NECTIN1: variants seen among roughly 807,000 people sequenced by gnomAD.
The protein encoded by NECTIN1 is nectin cell adhesion molecule 1.
NECTIN1 carries 23 observed loss-of-function variants against 48.0 expected under a neutral mutation model. The observed-to-expected ratio is 0.48, with a 90% CI of 0.34 to 0.68. The LOEUF (loss-of-function observed/expected upper bound fraction) is 0.68. Among genes scored for constraint, NECTIN1 ranks in the 30% least tolerant of loss-of-function variants. NECTIN1 has a pLI of 0.01. For synonymous variants in NECTIN1, 270 were observed against 288.9 expected (o/e 0.93, Z 0.66); for missense variants, 591 against 709.9 (o/e 0.83, Z 1.90).
intron 1 of NECTIN1, among the ~76,000 whole-genome samples, chr11:119,705,989 C>T (rs1002953395): frequency 3.9e-5 from 6 of 152,186 alleles, no homozygotes; most frequent in African/African-American, 1.4e-4. Context: ...GAAGAAGAAG[C>T]CCTGCACAAA....
chr11:119,643,736 G>A (rs1269218807), intron 5 of NECTIN1, among the ~76,000 whole-genome samples: 17 of 152,312 alleles, frequency 1.1e-4, no homozygotes, highest in Admixed American at 1.0e-3. Flanking sequence ...TGGTTCCCCC[G>A]CTCCCAGCTC....
rs79484789 is a variant in NECTIN1, at chr11:119,665,523, G to A, written c.1004-226C>T. Among the ~76,000 whole-genome samples the A allele has an allele frequency of 0.017, 2,519 of 152,220 alleles. 67 individuals are homozygous for A. Among genetic ancestry groups the A allele is most frequent in the East Asian group, 0.1 (513 of 5,154 alleles). ...AGAGACAGGCAAGAGGAGAGGCAGA[G>A]GGCAGTACCCACAGCACCAGGGTCT... On this transcript the variant is annotated intron_variant, in intron 5 of 5. Coordinates refer to ENST00000264025, the MANE Select transcript of NECTIN1 (RefSeq NM_002855.5). The surrounding 1 kb of genome is among the most constrained non-coding windows in gnomAD (Gnocchi z 5.1).
At chr11:119,706,871 G>A (rs1366086585) in intron 1 of NECTIN1, among the ~76,000 whole-genome samples, 1 of 152,328 alleles carries the variant, frequency 6.6e-6, no homozygotes, top group Admixed American at 6.5e-5. Context: ...TTTGTCCTCA[G>A]TGGGTCAGTA....
At chr11:119,638,858 C>T (rs777965279) in intron 6 of NECTIN1, 1 of 1,474,302 alleles carries the variant, frequency 6.8e-7, no homozygotes, top group East Asian at 2.3e-5. Flanking sequence ...TGGGGGCTCT[C>T]CCCATCAGGC....
chr11:119,711,801 G>A (rs910417729), intron 1 of NECTIN1, among the ~76,000 whole-genome samples: 3 of 152,236 alleles, frequency 2.0e-5, no homozygotes, highest in African/African-American at 7.2e-5. Flanking sequence ...TTTGGAAAAA[G>A]AGGCTGGTTG....
chr11:119,675,095 G>A, intron 5 of NECTIN1, 64 bp downstream of exon 5: 1 of 1,575,384 alleles, frequency 6.3e-7, no homozygotes, highest in South Asian at 1.1e-5. Flanking sequence ...GCTCAAAGGT[G>A]AGGGATGCAG....
intron 1 of NECTIN1, among the ~76,000 whole-genome samples, chr11:119,726,715 C>T (rs1192766660): frequency 1.3e-5 from 2 of 152,146 alleles, no homozygotes; most frequent in Non-Finnish European, 2.9e-5. Context: ...GAGTTCCTTC[C>T]CCTTCTCCCA....
chr11:119,680,361 C>T (rs773130031), intron 1 of NECTIN1, among the ~76,000 whole-genome samples: 9 of 152,176 alleles, frequency 5.9e-5, no homozygotes, highest in African/African-American at 1.7e-4. Flanking sequence ...CTTTATTGAG[C>T]GTCATCAATA....
At chr11:119,699,970 C>T (rs1304679856) in intron 1 of NECTIN1, among the ~76,000 whole-genome samples, 2 of 152,222 alleles carry the variant, frequency 1.3e-5, no homozygotes, top group Non-Finnish European at 2.9e-5. Context: ...GGAACCACCA[C>T]CACCCCAGCC....
rs1179763285 is a variant in NECTIN1, at chr11:119,687,818, G to A, written c.80-9053C>T. On this transcript the variant is annotated intron_variant, in intron 1 of 5. Transcript: ENST00000264025. ...ATCTGCCTCATCCCAGGAGGGGCCTGTGGGGCCACCCCAGCGCCCAACCCT... is the reference window on the plus strand; with the variant it reads ...ATCTGCCTCATCCCAGGAGGGGCCTATGGGGCCACCCCAGCGCCCAACCCT... 4.6e-5 allele frequency among the ~76,000 whole-genome samples: 7 copies of A among 152,232 alleles called. No homozygotes were observed. The East Asian group carries it at 1.3e-3, about 29-fold the overall frequency.
At position 119,677,512 on chromosome 11, in the gene NECTIN1, T is replaced by C; in HGVS notation, c.733+43A>G. 4 of 1,602,264 alleles carry C rather than the reference T, an allele frequency of 2.5e-6. No homozygotes were observed. The highest frequency in any genetic ancestry group is 3.4e-6 in the Non-Finnish European group (4 of 1,171,272). On this transcript the variant is annotated intron_variant, in intron 3 of 5. Transcript: ENST00000264025. This position sits in a 1 kb window ranked among gnomAD's most constrained non-coding sequence, Gnocchi z 5.4. Reference sequence around the variant, plus strand: ...GGAGAGGAGGAGGGAGGAGGGACAGTGGCGCCCACCCCAGGAGGCCCCTGG... The same window carrying C: ...GGAGAGGAGGAGGGAGGAGGGACAGCGGCGCCCACCCCAGGAGGCCCCTGG...
rs1039107381 is a variant in NECTIN1, at chr11:119,662,743, C to T, written c.*2004G>A. 6.4e-5 allele frequency: 63 copies of T among 983,976 alleles called. No homozygotes were observed. The highest frequency in any genetic ancestry group is 7.5e-5 in the Non-Finnish European group (62 of 830,366). The allele number at this position is 983,976 out of a possible 1,614,324, so 61.0% of individuals were successfully genotyped here. On this transcript the variant is annotated 3_prime_UTR_variant, in exon 6 of 6. Coordinates refer to ENST00000264025, the MANE Select transcript of NECTIN1 (RefSeq NM_002855.5). The surrounding 1 kb of genome is among the most constrained non-coding windows in gnomAD (Gnocchi z 5.3). ...CCTGTCCTGGGGGACACTAATACTG[C>T]TGGGAAAAGCAGCCCAGCTCCTCCA...
At chr11:119,660,700 G>A (rs896178578), downstream of NECTIN1, among the ~76,000 whole-genome samples, 2 of 152,142 alleles carry the variant, frequency 1.3e-5, no homozygotes, top group African/African-American at 4.8e-5. Context: ...TGCACCCCCA[G>A]CCCTCTCAGG....
chr11:119,716,726 C>A (rs1865747626), intron 1 of NECTIN1, among the ~76,000 whole-genome samples: 1 of 152,242 alleles, frequency 6.6e-6, no homozygotes, highest in Non-Finnish European at 1.5e-5. Flanking sequence ...TTGGCTCCCC[C>A]TCCTTCTCCA....
intron 6 of NECTIN1, chr11:119,638,835 A>C: frequency 6.3e-7 from 1 of 1,583,800 alleles, no homozygotes; most frequent in Non-Finnish European, 8.7e-7. Flanking sequence ...TAAGCTCAGC[A>C]CAGGAGCACA....
chr11:119,676,436 T>G (rs541333782), intron 4 of NECTIN1, among the ~76,000 whole-genome samples: 1 of 152,338 alleles, frequency 6.6e-6, no homozygotes, highest in South Asian at 2.1e-4. Context: ...TCTGGGCAGC[T>G]GTCTCCTGGC....
intron 1 of NECTIN1, among the ~76,000 whole-genome samples, chr11:119,700,342 C>T (rs369154257): frequency 2.2e-4 from 34 of 152,338 alleles, no homozygotes; most frequent in African/African-American, 7.7e-4. Context: ...GTGCGGACAC[C>T]TAGTTCGTGA....
At chr11:119,693,052 A>C (rs961987092) in intron 1 of NECTIN1, among the ~76,000 whole-genome samples, 1 of 151,966 alleles carries the variant, frequency 6.6e-6, no homozygotes, top group Non-Finnish European at 1.5e-5. Flanking sequence ...TGACACCTCC[A>C]CCTCCCCCAG....
chr11:119,716,087 C>G (rs959745194), intron 1 of NECTIN1, among the ~76,000 whole-genome samples: 3 of 152,170 alleles, frequency 2.0e-5, no homozygotes, highest in African/African-American at 4.8e-5. Context: ...GAGTGAAACC[C>G]TTGCTTTCCT....
Sources: gnomAD v4.1 joint callset for allele counts (sites outside exome capture counted in the v4.1 genomes callset) on GRCh38, gnomAD v4.1.1 for gene constraint, Gnocchi (gnomAD v3.1) non-coding constraint, MANE v1.5 for transcripts, NCBI Gene and HGNC (gene_info 2026-07-23, HGNC 2026-07-21) for gene names.